CALD1: variants seen among roughly 807,000 people sequenced by gnomAD.
CALD1 encodes caldesmon 1.
CALD1 carries 33 observed loss-of-function variants against 99.9 expected under a neutral mutation model. The ratio of observed to expected loss-of-function variants is 0.33; its 90% CI spans 0.25 to 0.44. The LOEUF (loss-of-function observed/expected upper bound fraction) is 0.44. Among genes scored for constraint, CALD1 ranks in the 20% least tolerant of loss-of-function variants. The pLI is 1.00. For synonymous variants in CALD1, 310 were observed against 325.0 expected (o/e 0.95, Z 0.50); for missense variants, 861 against 962.1 (o/e 0.89, Z 1.39).
chr7:134,750,345 A>G (rs1796674871), intron 1 of CALD1, among the ~76,000 whole-genome samples: 1 of 152,074 alleles, frequency 6.6e-6, no homozygotes, highest in Non-Finnish European at 1.5e-5. Flanking sequence ...TCCTAGCCTC[A>G]GTGGAATACA....
intron 1 of CALD1, among the ~76,000 whole-genome samples, chr7:134,758,894 C>G (rs755443626): frequency 2.4e-4 from 36 of 152,164 alleles, no homozygotes; most frequent in Non-Finnish European, 4.0e-4. Context: ...TGTACCCTTC[C>G]TTCCCAGCCC....
At chr7:134,769,902 T>C (rs1195534993) in intron 1 of CALD1, among the ~76,000 whole-genome samples, 1 of 152,230 alleles carries the variant, frequency 6.6e-6, no homozygotes, top group Non-Finnish European at 1.5e-5. Context: ...CCTCCCAAAG[T>C]ACTGGGATTG....
chr7:134,919,276 G>T (rs1322201085), intron 3 of CALD1, among the ~76,000 whole-genome samples: 1 of 152,156 alleles, frequency 6.6e-6, no homozygotes, highest in East Asian at 1.9e-4. Flanking sequence ...CTCCCTGGGT[G>T]CCTTCTAACC....
intron 1 of CALD1, among the ~76,000 whole-genome samples, chr7:134,788,932 A>G (rs1797411692): frequency 6.6e-6 from 1 of 151,102 alleles, no homozygotes; most frequent in Non-Finnish European, 1.5e-5. Flanking sequence ...GGAGGATCAC[A>G]TGAGCTTGGG....
At chr7:134,863,833 C>T (rs911103798) in intron 2 of CALD1, among the ~76,000 whole-genome samples, 4 of 150,332 alleles carry the variant, frequency 2.7e-5, no homozygotes, top group African/African-American at 9.8e-5. Context: ...GGGTGGGAGA[C>T]AGAGAAGAAA....
intron 3 of CALD1, among the ~76,000 whole-genome samples, chr7:134,913,291 A>G (rs1347136881): frequency 6.6e-6 from 1 of 152,186 alleles, no homozygotes; most frequent in Non-Finnish European, 1.5e-5. Flanking sequence ...AAATTAGGCT[A>G]TGACTGTCAT....
At chr7:134,813,650 C>G (rs1011090097) in intron 1 of CALD1, among the ~76,000 whole-genome samples, 1 of 152,166 alleles carries the variant, frequency 6.6e-6, no homozygotes, top group African/African-American at 2.4e-5. Context: ...AATTCTTCAA[C>G]TAAGACTAGG....
At chr7:134,879,981 G>A (rs950223162) in intron 3 of CALD1, among the ~76,000 whole-genome samples, 17 of 152,176 alleles carry the variant, frequency 1.1e-4, no homozygotes, top group Non-Finnish European at 1.8e-4. Flanking sequence ...AGTCTCCAGA[G>A]TGTATTTTAA....
At chr7:134,960,343 AC>A in intron 12 of CALD1, 189 bp from the exon 13 acceptor site, 1 of 654,540 alleles carries the variant, frequency 1.5e-6, no homozygotes, top group East Asian at 2.7e-5. Context: ...TGAAATGTCC[AC>A]CCTTGGAGTT....
At chr7:134,780,430 G>T (rs1015062025) in intron 1 of CALD1, among the ~76,000 whole-genome samples, 55 of 151,036 alleles carry the variant, frequency 3.6e-4, no homozygotes, top group African/African-American at 1.3e-3. Flanking sequence ...GCGCTAGTGG[G>T]TGTGTTTTTT....
chr7:134,715,275 A>C, the CALD1 span, among the ~76,000 whole-genome samples: 1 of 152,346 alleles, frequency 6.6e-6, no homozygotes, highest in African/African-American at 2.4e-5. Flanking sequence ...AAACCCAGAA[A>C]CAGCATTTCT....
the CALD1 span, among the ~76,000 whole-genome samples, chr7:134,733,369 T>C: frequency 1.3e-5 from 2 of 152,148 alleles, no homozygotes; most frequent in Admixed American, 6.5e-5. Flanking sequence ...CAGAGGAGTT[T>C]ATGGGAAAAA....
chr7:134,917,397 G>A (rs544351509), intron 3 of CALD1, among the ~76,000 whole-genome samples: 10 of 152,122 alleles, frequency 6.6e-5, no homozygotes, highest in African/African-American at 1.4e-4. Context: ...TGCCCAGGCC[G>A]GAGTGCAATG....
intron 1 of CALD1, among the ~76,000 whole-genome samples, chr7:134,765,860 C>T (rs1396812459): frequency 2.6e-5 from 4 of 152,200 alleles, no homozygotes; most frequent in African/African-American, 9.7e-5. Context: ...ATGGATTTCT[C>T]ATGAATGATT....
At chr7:134,802,442 T>C (rs1157023829) in intron 1 of CALD1, among the ~76,000 whole-genome samples, 1 of 152,238 alleles carries the variant, frequency 6.6e-6, no homozygotes, top group African/African-American at 2.4e-5. Context: ...ATAGAATTAA[T>C]ATACATAACT....
At chr7:134,741,075 C>T (rs1457884390), upstream of CALD1, among the ~76,000 whole-genome samples, 2 of 152,172 alleles carry the variant, frequency 1.3e-5, no homozygotes, top group Non-Finnish European at 2.9e-5. Flanking sequence ...AGGACTGATA[C>T]TCCTATCCCA....
chr7:134,712,586 T>C, the CALD1 span, among the ~76,000 whole-genome samples: 1 of 152,220 alleles, frequency 6.6e-6, no homozygotes, highest in Non-Finnish European at 1.5e-5. Flanking sequence ...AGAATTAAAG[T>C]AGACACTAAA....
intron 7 of CALD1, among the ~76,000 whole-genome samples, chr7:134,943,580 T>C (rs2133082588): frequency 6.6e-6 from 1 of 152,334 alleles, no homozygotes; most frequent in East Asian, 1.9e-4. Flanking sequence ...TGCAAAATGG[T>C]TTTTTGATTT....
At chr7:134,742,475 G>A (rs1452193374), upstream of CALD1, among the ~76,000 whole-genome samples, 1 of 152,186 alleles carries the variant, frequency 6.6e-6, no homozygotes, top group Non-Finnish European at 1.5e-5. Context: ...GGAATGTCTT[G>A]GAATGTGCTC....
Sources: allele counts gnomAD v4.1 joint callset (sites outside exome capture counted in the v4.1 genomes callset), GRCh38; gene constraint gnomAD v4.1.1; transcripts MANE v1.5; gene names NCBI Gene and HGNC (gene_info 2026-07-23, HGNC 2026-07-21).